The following P4HA1 variants were observed in gnomAD, a reference collection of about 807,000 sequenced individuals.
The protein encoded by P4HA1 is prolyl 4-hydroxylase subunit alpha-1.
P4HA1 carries 24 observed loss-of-function variants against 72.8 expected under a neutral mutation model. The observed-to-expected ratio is 0.33, with a 90% CI of 0.24 to 0.46. The LOEUF is 0.46. Ranked by LOEUF, P4HA1 falls within the 20% of genes least tolerant of loss-of-function variation. P4HA1 has a pLI of 1.00. For missense variants in P4HA1, 446 were observed against 640.6 expected, an observed-to-expected ratio of 0.70 and a Z score of 3.28; for synonymous variants, 201 against 218.8, an observed-to-expected ratio of 0.92 and a Z score of 0.72.
At position 73,056,642 on chromosome 10, in the gene P4HA1, A is replaced by T. The variant is rs984772496; in HGVS notation, c.464-3052T>A. Among the ~76,000 whole-genome samples, 54 of 152,100 alleles carry T rather than the reference A, an allele frequency of 3.6e-4. 2 individuals carry two copies. The highest frequency in any genetic ancestry group is 6.7e-4 in the African/African-American group (28 of 41,522). The stretch of plus-strand genomic sequence containing the variant: ...AATGAAACTCCATCAAAAAATAAAT[A>T]AATTAATAAATAAAAATAAAAAATA... On this transcript the variant is annotated intron_variant, in intron 5 of 14. Coordinates refer to ENST00000394890, the MANE Select transcript of P4HA1 (RefSeq NM_001017962.3).
At chr10:73,073,919 C>T (rs981738711) in intron 2 of P4HA1, 92 bp from the exon 3 acceptor site, 1 of 731,288 alleles carries the variant, frequency 1.4e-6, no homozygotes, top group African/African-American at 1.7e-5. Context: ...TTCTATGAGA[C>T]AATTTAACTG....
intron 10 of P4HA1, among the ~76,000 whole-genome samples, chr10:73,029,265 G>A (rs1287004176): frequency 1.3e-5 from 2 of 151,748 alleles, no homozygotes; most frequent in Non-Finnish European, 2.9e-5. Flanking sequence ...TACAAAATTA[G>A]CTCAGTGTGG....
chr10:73,014,352 G>A lies in P4HA1; in HGVS notation c.1303-63C>T. 3.4e-6 allele frequency: 4 copies of A among 1,166,990 alleles called. No individual in the cohort carries two copies. The South Asian group carries it at 5.0e-5, about 14-fold the overall frequency. 72.3% of individuals were successfully genotyped at this position (1,166,990 alleles called of 1,614,324 possible). A position where few individuals can be genotyped will look rare whatever the true frequency, so the allele number is the denominator to read the frequency against. On this transcript the variant is annotated intron_variant, in intron 11 of 14. Coordinates refer to ENST00000394890, the MANE Select transcript of P4HA1 (RefSeq NM_001017962.3). ...ATTCAGTAATACAAATACTCTAGTGGCAACTAAACATCAGTAGTAATATCC... is the reference window on the plus strand; with the variant it reads ...ATTCAGTAATACAAATACTCTAGTGACAACTAAACATCAGTAGTAATATCC...
chr10:73,023,178 A>G (rs1351872618), intron 10 of P4HA1, among the ~76,000 whole-genome samples: 1 of 152,116 alleles, frequency 6.6e-6, no homozygotes, highest in Non-Finnish European at 1.5e-5. Context: ...AAGAGCAACC[A>G]CAAGACACGT....
At chr10:73,093,874 ATATATATATAT>A (rs1274639004) in intron 1 of P4HA1, among the ~76,000 whole-genome samples, 70 of 27,710 alleles carry the variant, frequency 2.5e-3, no homozygotes, top group African/African-American at 1.1e-3. Flanking sequence ...AAAAAAAAAA[ATATATATATAT>A]ATATATATAT....
chr10:73,060,125 T>C (rs1841277769), intron 5 of P4HA1, among the ~76,000 whole-genome samples: 1 of 152,176 alleles, frequency 6.6e-6, no homozygotes. Context: ...TAGAGTGATA[T>C]ATTTTAAGGA....
At chr10:73,009,775 C>T (rs2133026222) in intron 14 of P4HA1, 32 bp downstream of exon 14, 1 of 1,233,416 alleles carries the variant, frequency 8.1e-7, no homozygotes, top group African/African-American at 1.5e-5. Context: ...ACAAAAATTA[C>T]ATTATCTTCG....
At chr10:73,020,016 A>C (rs1057321277) in intron 10 of P4HA1, among the ~76,000 whole-genome samples, 6 of 152,122 alleles carry the variant, frequency 3.9e-5, no homozygotes, top group African/African-American at 1.4e-4. Context: ...AAGTCTGGGG[A>C]AGAGATAAGG....
intron 9 of P4HA1, 149 bp downstream of exon 9, chr10:73,044,832 C>A: frequency 2.1e-6 from 1 of 487,394 alleles, no homozygotes; most frequent in Non-Finnish European, 3.6e-6. Context: ...AAACACAAAG[C>A]AGTTTATCCA....
chr10:73,090,212 G>C (rs2133167532), intron 1 of P4HA1, among the ~76,000 whole-genome samples: 1 of 152,170 alleles, frequency 6.6e-6, no homozygotes, highest in African/African-American at 2.4e-5. Context: ...GTTCATTGAA[G>C]ACTCAACCTC....
intron 1 of P4HA1, among the ~76,000 whole-genome samples, chr10:73,076,908 G>C (rs1176354173): frequency 6.6e-6 from 1 of 152,056 alleles, no homozygotes; most frequent in Non-Finnish European, 1.5e-5. Context: ...CGTTCTACAA[G>C]AGCTAAAAAA....
intron 11 of P4HA1, 26 bp downstream of exon 11, chr10:73,016,820 A>C (rs1219668207): frequency 6.4e-7 from 1 of 1,551,408 alleles, no homozygotes; most frequent in South Asian, 1.1e-5. Flanking sequence ...AGCCTCAGTG[A>C]ATTTCTCCAT....
intron 5 of P4HA1, chr10:73,065,078 A>C (rs766441644): frequency 2.6e-5 from 4 of 152,210 alleles, no homozygotes; most frequent in Non-Finnish European, 5.9e-5. Flanking sequence ...AGATGTCTGG[A>C]GAATCTACTG....
chr10:73,091,060 CAAAAAAA>C (rs202009101), intron 1 of P4HA1, among the ~76,000 whole-genome samples: 14 of 49,292 alleles, frequency 2.8e-4, no homozygotes, highest in Non-Finnish European at 5.6e-4. Context: ...GAGTCCATCT[CAAAAAAA>C]AAAAAAAAAA....
chr10:73,050,530 T>C (rs1840993884), intron 7 of P4HA1, among the ~76,000 whole-genome samples: 1 of 151,792 alleles, frequency 6.6e-6, no homozygotes, highest in African/African-American at 2.4e-5. Flanking sequence ...TGAAACCCCA[T>C]CTCTACTAAA....
Position 73,073,220 on chromosome 10 carries a change from CTT to C in P4HA1, c.173+509_173+510del, listed in dbSNP as rs573264487. ...TCAGCTTCCTGTATCCATCCATATT[CTT>C]TTTTTTTTTTTTTTTTTGAGATAGA... On this transcript the variant is annotated intron_variant, in intron 3 of 14. Coordinates refer to ENST00000394890, the MANE Select transcript of P4HA1 (RefSeq NM_001017962.3). Among the ~76,000 whole-genome samples the C allele has an allele frequency of 3.4e-3, 390 of 116,124 alleles. 4 individuals carry two copies. The highest frequency in any genetic ancestry group is 0.011 in the African/African-American group (338 of 29,650). 76.2% of individuals were successfully genotyped at this position (116,124 alleles called of 152,430 possible).
At chr10:73,026,817 C>T (rs2133055303) in intron 10 of P4HA1, among the ~76,000 whole-genome samples, 1 of 152,276 alleles carries the variant, frequency 6.6e-6, no homozygotes, top group African/African-American at 2.4e-5. Flanking sequence ...CAAAAGAAGA[C>T]ATTTATGCAG....
At chr10:73,036,641 A>G (rs938850894) in intron 9 of P4HA1, among the ~76,000 whole-genome samples, 69 of 152,030 alleles carry the variant, frequency 4.5e-4, no homozygotes, top group Admixed American at 2.0e-4. Context: ...CAAGCAATCT[A>G]CCTGCCTTGA....
chr10:73,032,220 A>C (rs1160073536), intron 9 of P4HA1, among the ~76,000 whole-genome samples: 1 of 152,148 alleles, frequency 6.6e-6, no homozygotes, highest in East Asian at 1.9e-4. Flanking sequence ...TGATTTCCCC[A>C]AATCTGTACA....
Sources: allele counts gnomAD v4.1 joint callset (sites outside exome capture counted in the v4.1 genomes callset), GRCh38; gene constraint gnomAD v4.1.1; transcripts MANE v1.5; gene names NCBI Gene and HGNC (gene_info 2026-07-23, HGNC 2026-07-21).